SLC35F1: variants seen among roughly 807,000 people sequenced by gnomAD.
SLC35F1 encodes solute carrier family 35 member F1, also known as chromosome 6 open reading frame 169.
SLC35F1 carries 14 observed loss-of-function variants against 48.7 expected under a neutral mutation model. The observed-to-expected ratio is 0.29, with a 90% CI of 0.19 to 0.45. The LOEUF (loss-of-function observed/expected upper bound fraction) is 0.45. Ranked by LOEUF, SLC35F1 falls within the 20% of genes least tolerant of loss-of-function variation. SLC35F1 has a pLI of 1.00. For synonymous variants in SLC35F1, 190 were observed against 202.2 expected (o/e 0.94, Z 0.51); for missense variants, 404 against 500.0 (o/e 0.81, Z 1.83).
chr6:118,286,669 C>T (rs1297325947), intron 7 of SLC35F1, among the ~76,000 whole-genome samples: 1 of 152,048 alleles, frequency 6.6e-6, no homozygotes, highest in African/African-American at 2.4e-5. Flanking sequence ...GTACTATATA[C>T]AGTATTTAAG....
chr6:118,222,920 C>T (rs1040283948), intron 2 of SLC35F1, among the ~76,000 whole-genome samples: 1 of 152,128 alleles, frequency 6.6e-6, no homozygotes, highest in Admixed American at 6.5e-5. Context: ...TTTCCTGACC[C>T]AGATCTGCAA....
chr6:118,061,288 G>T (rs767964645), intron 1 of SLC35F1, among the ~76,000 whole-genome samples: 22 of 152,218 alleles, frequency 1.4e-4, no homozygotes, highest in Non-Finnish European at 3.1e-4. Flanking sequence ...AAGGGAAGCT[G>T]CTGGTAACTA....
At chr6:118,122,994 G>A (rs1002919199) in intron 1 of SLC35F1, among the ~76,000 whole-genome samples, 1 of 152,126 alleles carries the variant, frequency 6.6e-6, no homozygotes, top group Admixed American at 6.6e-5. Context: ...ACAGCTAGCT[G>A]GCAGCAGCTA....
At chr6:118,029,837 G>T (rs149637823) in intron 1 of SLC35F1, among the ~76,000 whole-genome samples, 1 of 152,208 alleles carries the variant, frequency 6.6e-6, no homozygotes, top group African/African-American at 2.4e-5. Flanking sequence ...GAATTACTAA[G>T]CCCTAAAGAG....
At chr6:118,292,146 ATAAG>A (rs1776131630) in intron 7 of SLC35F1, among the ~76,000 whole-genome samples, 1 of 151,816 alleles carries the variant, frequency 6.6e-6, no homozygotes, top group Admixed American at 6.6e-5. Flanking sequence ...AAATAAATAA[ATAAG>A]ATACTGATGC....
At chr6:118,087,593 A>G (rs1464253059) in intron 1 of SLC35F1, among the ~76,000 whole-genome samples, 5 of 152,152 alleles carry the variant, frequency 3.3e-5, no homozygotes, top group Admixed American at 2.6e-4. Context: ...TGCTAGGCTC[A>G]GCCCAATGTT....
At chr6:117,944,857 T>G (rs1776275255) in intron 1 of SLC35F1, among the ~76,000 whole-genome samples, 1 of 152,202 alleles carries the variant, frequency 6.6e-6, no homozygotes, top group African/African-American at 2.4e-5. Context: ...AGTTTTGTTG[T>G]CTAAATCTGA....
chr6:118,063,677 G>C (rs1400753082), intron 1 of SLC35F1, among the ~76,000 whole-genome samples: 1 of 151,996 alleles, frequency 6.6e-6, no homozygotes, highest in Non-Finnish European at 1.5e-5. Flanking sequence ...GGATTACTGG[G>C]AGTAACTGAT....
chr6:118,296,963 A>T (rs985118156), intron 7 of SLC35F1, among the ~76,000 whole-genome samples: 1 of 112,232 alleles, frequency 8.9e-6, no homozygotes, highest in African/African-American at 2.6e-5. Context: ...ACTCATAGAA[A>T]TCAGAGTATC....
rs1774637526 is a variant in SLC35F1 at position 118,185,092 on chromosome 6, CT to C, written c.349+30473del. On this transcript the variant is annotated intron_variant, in intron 2 of 7. Coordinates refer to ENST00000360388, the MANE Select transcript of SLC35F1 (RefSeq NM_001029858.4). ...TAAAGCTGCCAACAGACCACTCTGC[CT>C]AGATGTATCAGTGATAGCATTAGCA... Among the ~76,000 whole-genome samples, 5 of 152,244 alleles carry C rather than the reference CT, an allele frequency of 3.3e-5. No individual in the cohort carries two copies. The South Asian group carries it at 1.0e-3, about 32-fold the overall frequency.
At chr6:118,221,525 T>C (rs1034071167) in intron 2 of SLC35F1, among the ~76,000 whole-genome samples, 54 of 152,298 alleles carry the variant, frequency 3.5e-4, no homozygotes, top group African/African-American at 1.3e-3. Context: ...TCAAGGACAC[T>C]GCAGGGAGGA....
chr6:118,276,215 C>G (rs1775916214), intron 5 of SLC35F1, among the ~76,000 whole-genome samples: 1 of 152,208 alleles, frequency 6.6e-6, no homozygotes, highest in Non-Finnish European at 1.5e-5. Flanking sequence ...TAAGTCATCC[C>G]TGACTATTGC....
chr6:117,944,372 C>T (rs557158682), intron 1 of SLC35F1, among the ~76,000 whole-genome samples: 38 of 151,926 alleles, frequency 2.5e-4, no homozygotes, highest in Admixed American at 5.9e-4. Flanking sequence ...GTCAAAATAT[C>T]CCACTTTGTT....
intron 2 of SLC35F1, among the ~76,000 whole-genome samples, chr6:118,156,667 T>TAAAAAATAAAATAAA (rs1774147991): frequency 3.1e-5 from 1 of 32,756 alleles, no homozygotes; most frequent in Non-Finnish European, 7.4e-5. Context: ...GAAAGTATAA[T>TAAAAAATAAAATAAA]AAAAAATAAA....
At chr6:118,005,032 G>A (rs896857370) in intron 1 of SLC35F1, among the ~76,000 whole-genome samples, 51 of 152,128 alleles carry the variant, frequency 3.4e-4, no homozygotes, top group African/African-American at 1.2e-3. Context: ...GCTAGGATAT[G>A]AAAAGGAAAA....
chr6:118,305,148 G>A (rs1288745296), intron 7 of SLC35F1, among the ~76,000 whole-genome samples: 1 of 146,888 alleles, frequency 6.8e-6, no homozygotes, highest in Admixed American at 6.8e-5. Flanking sequence ...GCCATTGAGG[G>A]CTGACAAGTC....
intron 7 of SLC35F1, among the ~76,000 whole-genome samples, chr6:118,305,082 G>T (rs1279937598): frequency 1.4e-5 from 2 of 141,160 alleles, no homozygotes; most frequent in East Asian, 3.9e-4. Flanking sequence ...GTGTGTGTGT[G>T]TGTGTGTGTG....
chr6:118,278,724 G>A lies in SLC35F1; in HGVS notation c.847+1178G>A, dbSNP rs1775947299. Among the ~76,000 whole-genome samples, 4 of 152,212 alleles carry A rather than the reference G, an allele frequency of 2.6e-5. No individual in the cohort carries two copies. The South Asian group carries it at 8.3e-4, about 32-fold the overall frequency. On this transcript the variant is annotated intron_variant, in intron 6 of 7. Coordinates refer to ENST00000360388, the MANE Select transcript of SLC35F1 (RefSeq NM_001029858.4). ...AACAGGGAAAGGAAACCAGTTGCAT[G>A]TTACAGAAAGCATTTGTCTTTGTGA...
intron 1 of SLC35F1, among the ~76,000 whole-genome samples, chr6:118,029,218 G>GA (rs1185874089): frequency 6.6e-6 from 1 of 152,048 alleles, no homozygotes; most frequent in East Asian, 1.9e-4. Flanking sequence ...TATTTCCTTA[G>GA]AAAAAGTCAT....
Sources: gnomAD v4.1 joint callset for allele counts (sites outside exome capture counted in the v4.1 genomes callset) on GRCh38, gnomAD v4.1.1 for gene constraint, MANE v1.5 for transcripts, NCBI Gene and HGNC (gene_info 2026-07-23, HGNC 2026-07-21) for gene names.